The following MAP7 variants were observed in gnomAD, a reference collection of about 807,000 sequenced individuals.
MAP7 encodes ensconsin.
In MAP7, 52 loss-of-function variants were observed where a neutral mutation model predicts 94.8. That is an observed-to-expected ratio of 0.55 (90% confidence interval 0.44 to 0.69). The LOEUF (loss-of-function observed/expected upper bound fraction) is 0.69. Ranked by LOEUF, MAP7 falls within the 30% of genes least tolerant of loss-of-function variation. MAP7 has a pLI of 0.00. For missense variants in MAP7, 940 were observed against 964.6 expected, an observed-to-expected ratio of 0.97 and a Z score of 0.34; for synonymous variants, 350 against 357.0, an observed-to-expected ratio of 0.98 and a Z score of 0.22.
At chr6:136,401,440 A>G (rs1480979461) in intron 3 of MAP7, among the ~76,000 whole-genome samples, 2 of 152,226 alleles carry the variant, frequency 1.3e-5, no homozygotes, top group Admixed American at 1.3e-4. Context: ...ACTATGGAAT[A>G]CTATGCAGCC....
At chr6:136,360,412 T>C (rs1792244822) in intron 13 of MAP7, among the ~76,000 whole-genome samples, 1 of 152,240 alleles carries the variant, frequency 6.6e-6, no homozygotes, top group Non-Finnish European at 1.5e-5. Context: ...CCCAAAGTGC[T>C]GGGATTACAG....
chr6:136,435,526 T>C (rs1489350172), intron 1 of MAP7, among the ~76,000 whole-genome samples: 2 of 152,256 alleles, frequency 1.3e-5, no homozygotes, highest in African/African-American at 2.4e-5. Context: ...GTATTCTAAG[T>C]AAGTGACATG....
Position 136,345,956 on chromosome 6 carries a change from C to T in MAP7, c.2139G>A (p.Glu713=). ...KPSRLDVTNS[E]SPEIPLNPIL... is the part of the protein sequence containing the mutation. ...TTGGATTCAAAGGAATTTCTGGGCT[C>T]TCACTGTTGGTGACATCTAATCTGG... is the stretch of plus-strand genomic sequence containing the variant. Residue 713 remains glutamate (E), a synonymous_variant, in exon 17 of 18, where the codon GAG becomes GAA. Coordinates refer to ENST00000354570, the MANE Select transcript of MAP7 (RefSeq NM_003980.6). 6.2e-7 allele frequency: 1 copy of T among 1,614,026 alleles called. No individual in the cohort carries two copies. Among genetic ancestry groups the T allele is most frequent in the Non-Finnish European group, 8.5e-7 (1 of 1,179,926 alleles).
At chr6:136,525,343 T>C (rs562774251) in intron 1 of MAP7, among the ~76,000 whole-genome samples, 1 of 152,324 alleles carries the variant, frequency 6.6e-6, no homozygotes, top group African/African-American at 2.4e-5. Flanking sequence ...GACATTTTAG[T>C]ATAGAAAGGG....
rs141917146 is a variant in MAP7 at position 136,540,330 on chromosome 6, AT to A, written c.67+10011del. ...CACTAGAAAGATCTCTGGGAAAAGTATGTAATTTTCTACAAAATACTTTAAT... is the reference window on the plus strand; with the variant it reads ...CACTAGAAAGATCTCTGGGAAAAGTAGTAATTTTCTACAAAATACTTTAAT... On this transcript the variant is annotated intron_variant, in intron 1 of 17. Coordinates refer to ENST00000354570, the MANE Select transcript of MAP7 (RefSeq NM_003980.6). Among the ~76,000 whole-genome samples the A allele has an allele frequency of 1.8e-3, 269 of 152,292 alleles. 2 individuals are homozygous for A. Among genetic ancestry groups the A allele is most frequent in the African/African-American group, 6.3e-3 (260 of 41,574 alleles).
In MAP7 at chr6:136,362,629, G is replaced by GGGGACCGGGGCTGGAGCT. The variant is rs751584961; in HGVS notation, c.1329_1346dup (p.Ala444_Pro449dup). The GGGGACCGGGGCTGGAGCT allele has an allele frequency of 1.4e-4, 225 of 1,612,410 alleles. No individual in the cohort carries two copies. Among genetic ancestry groups the GGGGACCGGGGCTGGAGCT allele is most frequent in the Non-Finnish European group, 1.8e-4 (213 of 1,179,300 alleles). ...ACGGGGCTGAGACCATGGCTGGGGT[G>GGGGACCGGGGCTGGAGCT]GGGACCGGGGCTGGAGCTGGGGCCG... On this transcript the variant is annotated inframe_insertion, in exon 11 of 18. Transcript: ENST00000354570.
intron 1 of MAP7, among the ~76,000 whole-genome samples, chr6:136,452,441 G>T (rs1445250002): frequency 6.6e-6 from 1 of 152,212 alleles, no homozygotes; most frequent in Non-Finnish European, 1.5e-5. Flanking sequence ...ATTGCATGCT[G>T]CAGAGAAATG....
In MAP7 at chr6:136,343,695, G is replaced by A. The variant is rs1423031359; in HGVS notation, c.*533C>T. On this transcript the variant is annotated 3_prime_UTR_variant, in exon 18 of 18. Coordinates refer to ENST00000354570, the MANE Select transcript of MAP7 (RefSeq NM_003980.6). ...TTTGCAGAATGTCCATGTACAAGCT[G>A]TATTTATAAGAACCTGGTAATCTGC... The A allele has an allele frequency of 6.6e-6, 1 of 152,166 alleles. No individual in the cohort carries two copies. Among genetic ancestry groups the A allele is most frequent in the African/African-American group, 2.4e-5 (1 of 41,446 alleles). The allele number at this position is 152,166 out of a possible 1,614,324, so 9.4% of individuals were successfully genotyped here.
intron 1 of MAP7, among the ~76,000 whole-genome samples, chr6:136,515,893 T>A (rs1324210190): frequency 1.3e-5 from 2 of 152,160 alleles, no homozygotes; most frequent in Non-Finnish European, 2.9e-5. Flanking sequence ...TTCCTTGATA[T>A]AGGGTTGCCA....
intron 3 of MAP7, among the ~76,000 whole-genome samples, chr6:136,391,171 A>G (rs1371785377): frequency 1.3e-5 from 2 of 152,026 alleles, no homozygotes; most frequent in Non-Finnish European, 2.9e-5. Flanking sequence ...ACAATGATAG[A>G]CTGGATTAAG....
rs1217065364 is a variant in MAP7, at chr6:136,357,015, T to G, written c.1913-221A>C. Among the ~76,000 whole-genome samples, 3 of 152,186 alleles carry G rather than the reference T, an allele frequency of 2.0e-5. No individual in the cohort carries two copies. The East Asian group carries it at 5.8e-4, about 29-fold the overall frequency. ...TTAAATGTATTAATATTAATACATG[T>G]AAAGGACTTAGAACAGTGTTTGGCA... On this transcript the variant is annotated intron_variant, in intron 15 of 17. Coordinates refer to ENST00000354570, the MANE Select transcript of MAP7 (RefSeq NM_003980.6).
In MAP7 at chr6:136,375,734, G is replaced by T. The variant is rs145530361; in HGVS notation, c.751+2021C>A. On this transcript the variant is annotated intron_variant, in intron 7 of 17. Coordinates refer to ENST00000354570, the MANE Select transcript of MAP7 (RefSeq NM_003980.6). ...AGCAGGCAATGTATTGACAAAACAGGCAGCTCAAGTAAAGGCTATGCACTC... is the reference window on the plus strand; with the variant it reads ...AGCAGGCAATGTATTGACAAAACAGTCAGCTCAAGTAAAGGCTATGCACTC... Among the ~76,000 whole-genome samples, 123 of 152,232 alleles carry T rather than the reference G, an allele frequency of 8.1e-4. 2 individuals carry two copies. The East Asian group carries it at 0.021, about 26-fold the overall frequency.
At chr6:136,400,830 C>T (rs1783862121) in intron 3 of MAP7, among the ~76,000 whole-genome samples, 1 of 152,194 alleles carries the variant, frequency 6.6e-6, no homozygotes, top group South Asian at 2.1e-4. Context: ...CTAATTTCCA[C>T]CTGAATTTCT....
At chr6:136,433,143 CTA>C (rs992807273) in intron 1 of MAP7, among the ~76,000 whole-genome samples, 21 of 152,220 alleles carry the variant, frequency 1.4e-4, no homozygotes, top group African/African-American at 5.1e-4. Flanking sequence ...TGAAAAAAAA[CTA>C]TGTATAAATA....
intron 1 of MAP7, among the ~76,000 whole-genome samples, chr6:136,538,801 A>AAC (rs1829086695): frequency 8.5e-6 from 1 of 117,452 alleles, no homozygotes; most frequent in African/African-American, 2.9e-5. Flanking sequence ...TTTGTCTCAA[A>AAC]AAAAAAAAAA....
At chr6:136,493,213 C>G (rs941772580) in intron 1 of MAP7, among the ~76,000 whole-genome samples, 5 of 149,032 alleles carry the variant, frequency 3.4e-5, no homozygotes, top group African/African-American at 1.2e-4. Context: ...ACCTCTGCCT[C>G]CTGGGTTCAA....
At chr6:136,520,303 G>A (rs1222144644) in intron 1 of MAP7, among the ~76,000 whole-genome samples, 2 of 151,962 alleles carry the variant, frequency 1.3e-5, no homozygotes, top group Non-Finnish European at 2.9e-5. Context: ...TTCATAGAGA[G>A]CAATATGATT....
At chr6:136,471,633 CTAAA>C (rs1376851388) in intron 1 of MAP7, among the ~76,000 whole-genome samples, 3 of 152,018 alleles carry the variant, frequency 2.0e-5, no homozygotes, top group Non-Finnish European at 4.4e-5. Flanking sequence ...GAGACACTCA[CTAAA>C]TAAAGATTCA....
chr6:136,455,075 A>G (rs925941617), intron 1 of MAP7, among the ~76,000 whole-genome samples: 1 of 151,820 alleles, frequency 6.6e-6, no homozygotes, highest in Non-Finnish European at 1.5e-5. Flanking sequence ...CTATAGTTGA[A>G]CTATCCCTTT....
Sources: gnomAD v4.1 joint callset for allele counts (sites outside exome capture counted in the v4.1 genomes callset) on GRCh38, gnomAD v4.1.1 for gene constraint, MANE v1.5 for transcripts, NCBI Gene and HGNC (gene_info 2026-07-23, HGNC 2026-07-21) for gene names.